Variants in MED21 observed in about 807,000 individuals in gnomAD.
MED21 encodes the protein mediator complex subunit 21.
MED21 carries 9 observed loss-of-function variants against 18.2 expected under a neutral mutation model. That is an observed-to-expected ratio of 0.49 (90% CI 0.30 to 0.86). The LOEUF (loss-of-function observed/expected upper bound fraction) is 0.86, where lower values mean the gene tolerates loss of function less well. Among genes scored for constraint, MED21 ranks in the 40% least tolerant of loss-of-function variants. The pLI is 0.07. For synonymous variants in MED21, 73 were observed against 60.5 expected (o/e 1.21, Z -0.96); for missense variants, 150 against 170.9 (o/e 0.88, Z 0.68).
intron 1 of MED21, among the ~76,000 whole-genome samples, chr12:27,023,301 T>TTTTTTG (rs1555110756): frequency 3.7e-4 from 2 of 5,402 alleles, no homozygotes; most frequent in Non-Finnish European, 2.6e-3. Context: ...TTTTCTTTTC[T>TTTTTTG]TTTTTTTTTT....
In MED21 at chr12:27,030,129, T is replaced by TTG. The variant is rs901092339; in HGVS notation, c.*1669_*1670insGT. 6.0e-5 allele frequency: 38 copies of TTG among 637,448 alleles called. No homozygotes were observed. The highest frequency in any genetic ancestry group is 1.2e-4 in the Admixed American group (5 of 41,360). The allele number at this position is 637,448 out of a possible 1,614,324, so 39.5% of individuals were successfully genotyped here. A position where few individuals can be genotyped will look rare whatever the true frequency, so the allele number is the denominator to read the frequency against. On this transcript the variant is annotated 3_prime_UTR_variant, in exon 4 of 4. Coordinates refer to ENST00000282892, the MANE Select transcript of MED21 (RefSeq NM_004264.5). ...CTCTGTAGAGGATATACAGTTTTTTTTTGTTGTTCTTGTTTCTGTTTTTTT... is the reference window on the plus strand; with the variant it reads ...CTCTGTAGAGGATATACAGTTTTTTTTGTTGTTGTTCTTGTTTCTGTTTTTTT...
intron 1 of MED21, 22 bp from the exon 2 acceptor site, chr12:27,026,398 G>C (rs1185852981): frequency 6.6e-7 from 1 of 1,513,194 alleles, no homozygotes; most frequent in East Asian, 2.3e-5. Flanking sequence ...TTCTAACCTT[G>C]ATATGTTTTC....
chr12:27,027,294 T>G (rs970318120), intron 2 of MED21, 53 bp from the exon 3 acceptor site: 1 of 1,292,126 alleles, frequency 7.7e-7, no homozygotes, highest in Non-Finnish European at 1.1e-6. Flanking sequence ...TAAAATTTGT[T>G]TCTGAAAACT....
At chr12:27,024,361 G>C (rs1941516354) in intron 1 of MED21, among the ~76,000 whole-genome samples, 1 of 151,862 alleles carries the variant, frequency 6.6e-6, no homozygotes, top group African/African-American at 2.4e-5. Flanking sequence ...TTGTACACTT[G>C]AAGAGTGTGA....
rs545804528 is a variant in MED21 at position 27,023,603 on chromosome 12, T to A, written c.42+982T>A. Among the ~76,000 whole-genome samples the A allele has an allele frequency of 1.2e-4, 18 of 152,188 alleles. No individual in the cohort carries two copies. In the South Asian group the frequency reaches 3.7e-3, roughly 32 times the overall value. On this transcript the variant is annotated intron_variant, in intron 1 of 3. Coordinates refer to ENST00000282892, the MANE Select transcript of MED21 (RefSeq NM_004264.5). The stretch of plus-strand genomic sequence containing the variant: ...TGAGCCACCGTGCCCGGCCTACAAG[T>A]CCTTTTTAATGTCTCCCCCAAATTC...
intron 1 of MED21, among the ~76,000 whole-genome samples, chr12:27,023,091 C>T (rs1941494234): frequency 6.6e-6 from 1 of 151,980 alleles, no homozygotes; most frequent in East Asian, 1.9e-4. Flanking sequence ...AGTATTCCTT[C>T]ACCAGCGCTT....
rs112422879 is a variant in MED21, at chr12:27,022,970, G to A, written c.42+349G>A. ...GGTGCTTACGGGTTCTCTTTCTTTT[G>A]GGGGTTGGGAGGAGAAGCAGGAGCT... On this transcript the variant is annotated intron_variant, in intron 1 of 3. Transcript: ENST00000282892. The A allele has an allele frequency of 1.4e-4, 151 of 1,095,106 alleles. 1 individual carries two copies. The African/African-American group carries it at 2.3e-3, about 16-fold the overall frequency. The allele number at this position is 1,095,106 out of a possible 1,614,324, so 67.8% of individuals were successfully genotyped here. A position where few individuals can be genotyped will look rare whatever the true frequency, so the allele number is the denominator to read the frequency against.
chr12:27,028,096 C>G (rs1279952372), intron 3 of MED21, among the ~76,000 whole-genome samples, 189 bp from the exon 4 acceptor site: 1 of 152,138 alleles, frequency 6.6e-6, no homozygotes, highest in Non-Finnish European at 1.5e-5. Context: ...CTAGAGATCT[C>G]TAATTGAAAA....
downstream of MED21, among the ~76,000 whole-genome samples, chr12:27,032,142 A>T (rs1941624078): frequency 6.6e-6 from 1 of 152,208 alleles, no homozygotes; most frequent in Admixed American, 6.5e-5. Flanking sequence ...CTATTCTTGA[A>T]GGACCACAGA....
chr12:27,026,311 C>T, intron 1 of MED21, 109 bp from the exon 2 acceptor site: 2 of 622,438 alleles, frequency 3.2e-6, no homozygotes, highest in Non-Finnish European at 2.8e-6. Context: ...TGTTTTATTC[C>T]CTTGCTCAGA....
chr12:27,037,008 T>C (rs1941653856), intron 2 of MED21: 2 of 152,158 alleles, frequency 1.3e-5, no homozygotes, highest in Non-Finnish European at 2.9e-5. Flanking sequence ...GGGATGGCAT[T>C]GAATCTATAA....
At chr12:27,023,175 A>G (rs747346014) in intron 1 of MED21, among the ~76,000 whole-genome samples, 11 of 151,978 alleles carry the variant, frequency 7.2e-5, no homozygotes, top group Non-Finnish European at 1.5e-4. Flanking sequence ...CTTTGGGCCC[A>G]GAGTATCCTT....
At position 27,028,665 on chromosome 12, in the gene MED21, T is replaced by C. The variant is rs1056857925; in HGVS notation, c.*204T>C. On this transcript the variant is annotated 3_prime_UTR_variant, in exon 4 of 4. Coordinates refer to ENST00000282892, the MANE Select transcript of MED21 (RefSeq NM_004264.5). Reference sequence around the variant, plus strand: ...TGATTGAATCAGCTTTAAAGCATCATACCATCATTTTTTAACTGAGTGAAA... The same window carrying C: ...TGATTGAATCAGCTTTAAAGCATCACACCATCATTTTTTAACTGAGTGAAA... 1.6e-6 allele frequency: 2 copies of C among 1,232,490 alleles called. No individual in the cohort carries two copies. The highest frequency in any genetic ancestry group is 3.8e-5 in the Admixed American group (1 of 26,462). 76.3% of individuals were successfully genotyped at this position (1,232,490 alleles called of 1,614,324 possible).
downstream of MED21, among the ~76,000 whole-genome samples, chr12:27,033,046 T>A (rs1941630039): frequency 6.6e-6 from 1 of 152,212 alleles, no homozygotes; most frequent in South Asian, 2.1e-4. Context: ...GAGAAAAGCC[T>A]ATTTCTATCT....
At position 27,030,356 on chromosome 12, in the gene MED21, A is replaced by G. The variant is rs1941603810; in HGVS notation, c.*1895A>G. On this transcript the variant is annotated 3_prime_UTR_variant, in exon 4 of 4. Transcript: ENST00000282892. ...CACTCTGTTGCCCAGGCTAATGCCA[A>G]ACTGCTAACCTCAAGATATTAATAC... The G allele has an allele frequency of 2.3e-6, 1 of 434,804 alleles. No individual in the cohort carries two copies. Among genetic ancestry groups the G allele is most frequent in the Admixed American group, 3.9e-5 (1 of 25,528 alleles). 26.9% of individuals were successfully genotyped at this position (434,804 alleles called of 1,614,324 possible). A position where few individuals can be genotyped will look rare whatever the true frequency, so the allele number is the denominator to read the frequency against.
chr12:27,027,043 C>T (rs974308053), intron 2 of MED21, among the ~76,000 whole-genome samples: 2 of 152,196 alleles, frequency 1.3e-5, no homozygotes. Context: ...ATTCTCCTGC[C>T]TCAGCCTCCT....
chr12:27,025,877 A>G (rs1047292975), intron 1 of MED21, among the ~76,000 whole-genome samples: 5 of 152,196 alleles, frequency 3.3e-5, no homozygotes, highest in Admixed American at 6.5e-5. Flanking sequence ...AGAGTTTACA[A>G]ATTGAGTCTT....
chr12:27,033,873 C>T (rs77540050), downstream of MED21, among the ~76,000 whole-genome samples: 1,547 of 152,182 alleles, frequency 0.01, 26 homozygotes, highest in Non-Finnish European at 0.011. Flanking sequence ...GCAAGTATTA[C>T]CTTTCTTGCT....
At position 27,030,145 on chromosome 12, in the gene MED21, C is replaced by G; in HGVS notation, c.*1684C>G. 1 of 650,592 alleles carries G rather than the reference C, an allele frequency of 1.5e-6. No homozygotes were observed. The highest frequency in any genetic ancestry group is 1.7e-5 in the South Asian group (1 of 60,362). 40.3% of individuals were successfully genotyped at this position (650,592 alleles called of 1,614,324 possible). ...CAGTTTTTTTTTGTTGTTCTTGTTT[C>G]TGTTTTTTTAAGGTGAAGTCTCTGT... On this transcript the variant is annotated 3_prime_UTR_variant, in exon 4 of 4. Coordinates refer to ENST00000282892, the MANE Select transcript of MED21 (RefSeq NM_004264.5).
Sources: gnomAD v4.1 joint callset for allele counts (sites outside exome capture counted in the v4.1 genomes callset) on GRCh38, gnomAD v4.1.1 for gene constraint, MANE v1.5 for transcripts, NCBI Gene and HGNC (gene_info 2026-07-23, HGNC 2026-07-21) for gene names.